Variants in NEGR1 observed in about 807,000 individuals in gnomAD.
NEGR1 encodes the protein neuronal growth regulator 1, also known as IgLON family member 4.
In NEGR1, 10 loss-of-function variants were observed where a neutral mutation model predicts 40.9. The observed-to-expected ratio is 0.24, with a 90% CI of 0.15 to 0.42. The LOEUF is 0.42. Among genes scored for constraint, NEGR1 ranks in the 10% least tolerant of loss-of-function variants. The pLI is 1.00. For synonymous variants in NEGR1, 185 were observed against 166.8 expected (o/e 1.11, Z -0.84); for missense variants, 352 against 438.9 (o/e 0.80, Z 1.77).
At chr1:71,611,686 G>T (rs986812025) in intron 4 of NEGR1, among the ~76,000 whole-genome samples, 9 of 152,138 alleles carry the variant, frequency 5.9e-5, no homozygotes, top group Admixed American at 2.6e-4. Flanking sequence ...TCAAAGCCTG[G>T]GCTCTTGAAA....
chr1:72,281,693 T>C (rs1212479112), intron 1 of NEGR1, among the ~76,000 whole-genome samples: 2 of 146,758 alleles, frequency 1.4e-5, no homozygotes, highest in African/African-American at 2.5e-5. Context: ...AATGAGAAAA[T>C]ATGAGAAGAA....
chr1:72,073,388 A>G (rs1206799142), intron 1 of NEGR1, among the ~76,000 whole-genome samples: 2 of 152,086 alleles, frequency 1.3e-5, no homozygotes, highest in African/African-American at 4.8e-5. Context: ...TATAGTCACT[A>G]AATTTTGATT....
chr1:72,171,815 G>A (rs1651973548), intron 1 of NEGR1, among the ~76,000 whole-genome samples: 1 of 152,154 alleles, frequency 6.6e-6, no homozygotes, highest in African/African-American at 2.4e-5. Flanking sequence ...GAAGTTTTAT[G>A]AGGAAACACC....
At chr1:71,938,414 T>TG (rs1333004828) in intron 1 of NEGR1, among the ~76,000 whole-genome samples, 196 of 147,266 alleles carry the variant, frequency 1.3e-3, no homozygotes, top group African/African-American at 4.7e-3. Flanking sequence ...GTAGGTGTTT[T>TG]TTTTTTTTTT....
At chr1:71,880,846 G>A (rs1660565938) in intron 2 of NEGR1, among the ~76,000 whole-genome samples, 1 of 151,894 alleles carries the variant, frequency 6.6e-6, no homozygotes, top group Admixed American at 6.6e-5. Context: ...GAATATACAG[G>A]GGATAGGAGG....
intron 4 of NEGR1, among the ~76,000 whole-genome samples, chr1:71,633,853 T>A (rs1466313624): frequency 6.6e-6 from 1 of 152,086 alleles, no homozygotes; most frequent in African/African-American, 2.4e-5. Context: ...GTGGAGTTAT[T>A]ATCTTTTTTA....
At chr1:71,684,468 GT>G (rs1652955855) in intron 4 of NEGR1, among the ~76,000 whole-genome samples, 1 of 152,088 alleles carries the variant, frequency 6.6e-6, no homozygotes. Context: ...ACTAACGTAT[GT>G]TTGTGTGTAT....
At chr1:71,696,859 G>A (rs1653490663) in intron 4 of NEGR1, among the ~76,000 whole-genome samples, 1 of 151,736 alleles carries the variant, frequency 6.6e-6, no homozygotes, top group Admixed American at 6.6e-5. Context: ...ACTACAATTT[G>A]TTTGCAGAAC....
At chr1:71,912,254 C>T (rs1661438998) in intron 2 of NEGR1, among the ~76,000 whole-genome samples, 1 of 152,138 alleles carries the variant, frequency 6.6e-6, no homozygotes. Context: ...AGACTGCCCA[C>T]CTTCCTCCTA....
intron 3 of NEGR1, among the ~76,000 whole-genome samples, chr1:71,701,567 A>G (rs1653692894): frequency 6.6e-6 from 1 of 151,904 alleles, no homozygotes; most frequent in East Asian, 1.9e-4. Flanking sequence ...ATCTAAAGTA[A>G]TTTCCTCATC....
chr1:71,726,269 A>T (rs1322039722), intron 3 of NEGR1, among the ~76,000 whole-genome samples: 1 of 152,054 alleles, frequency 6.6e-6, no homozygotes, highest in African/African-American at 2.4e-5. Context: ...TTTGAGAGTG[A>T]GTAAGAAAAA....
intron 6 of NEGR1, among the ~76,000 whole-genome samples, chr1:71,448,061 G>C (rs1223109760): frequency 6.6e-6 from 1 of 152,150 alleles, no homozygotes; most frequent in East Asian, 1.9e-4. Flanking sequence ...GAGAAAGACT[G>C]TATAAACTTT....
chr1:72,032,461 T>C (rs147828234), intron 1 of NEGR1, among the ~76,000 whole-genome samples: 16 of 152,286 alleles, frequency 1.1e-4, no homozygotes, highest in South Asian at 2.1e-4. Flanking sequence ...GTTAAAGGAC[T>C]TCACGCAAAT....
intron 1 of NEGR1, among the ~76,000 whole-genome samples, chr1:72,187,926 C>T (rs1339327032): frequency 6.6e-6 from 1 of 151,430 alleles, no homozygotes; most frequent in African/African-American, 2.4e-5. Context: ...GATACACTTT[C>T]TTAACTTACA....
intron 6 of NEGR1, among the ~76,000 whole-genome samples, chr1:71,528,667 T>C (rs1186989970): frequency 6.6e-6 from 1 of 151,336 alleles, no homozygotes; most frequent in Non-Finnish European, 1.5e-5. Context: ...TAATTCAGTT[T>C]ACAAACATTA....
chr1:72,278,675 T>G (rs558643006), intron 1 of NEGR1, among the ~76,000 whole-genome samples: 4 of 152,122 alleles, frequency 2.6e-5, no homozygotes, highest in African/African-American at 9.6e-5. Context: ...CACTTCCTGT[T>G]CTCTACTAGA....
intron 4 of NEGR1, among the ~76,000 whole-genome samples, chr1:71,683,052 T>G (rs558877341): frequency 5.2e-4 from 79 of 152,174 alleles, no homozygotes; most frequent in Non-Finnish European, 1.1e-3. Context: ...TTTCAGGGAT[T>G]CCTTTATAGA....
intron 5 of NEGR1, among the ~76,000 whole-genome samples, chr1:71,597,435 T>C (rs1479816268): frequency 6.9e-5 from 1 of 14,430 alleles, no homozygotes; most frequent in East Asian, 3.5e-3. Context: ...TATATATGTC[T>C]CTCTCTCTCT....
At chr1:71,720,699 C>T (rs1654479557) in intron 3 of NEGR1, among the ~76,000 whole-genome samples, 1 of 152,062 alleles carries the variant, frequency 6.6e-6, no homozygotes, top group African/African-American at 2.4e-5. Flanking sequence ...ACCTAAGGAA[C>T]TCATAGCGAG....
Sources: gnomAD v4.1 joint callset for allele counts (sites outside exome capture counted in the v4.1 genomes callset) on GRCh38, gnomAD v4.1.1 for gene constraint, MANE v1.5 for transcripts, NCBI Gene and HGNC (gene_info 2026-07-23, HGNC 2026-07-21) for gene names.